The following DPP6 variants were observed in gnomAD, a reference collection of about 807,000 sequenced individuals.
DPP6 encodes dipeptidyl peptidase like 6.
DPP6 carries 69 observed loss-of-function variants against 122.6 expected under a neutral mutation model. The observed-to-expected ratio is 0.56, with a 90% CI of 0.46 to 0.69. The LOEUF is 0.69. Ranked by LOEUF, DPP6 falls within the 30% of genes least tolerant of loss-of-function variation. The pLI is 0.00. For synonymous variants in DPP6, 418 were observed against 433.1 expected (o/e 0.97, Z 0.43); for missense variants, 928 against 1,116.9 (o/e 0.83, Z 2.41).
At chr7:154,535,157 G>A (rs949111487) in intron 3 of DPP6, among the ~76,000 whole-genome samples, 2 of 151,990 alleles carry the variant, frequency 1.3e-5, no homozygotes, top group Non-Finnish European at 2.9e-5. Flanking sequence ...AATAACAAAC[G>A]AGTTATGTAT....
chr7:154,790,963 T>C (rs1413272757), intron 10 of DPP6, among the ~76,000 whole-genome samples: 2 of 152,038 alleles, frequency 1.3e-5, no homozygotes, highest in African/African-American at 4.8e-5. Context: ...AATAAACACA[T>C]ACTTGAGGCT....
rs936466755 is a variant in DPP6, at chr7:154,481,621, G to C, written c.457+6584G>C. ...CAGTTTTCTCTTAAACTTTGCCTACGTGAACTTCTTTGGATTGCTTCAGAA... is the reference window on the plus strand; with the variant it reads ...CAGTTTTCTCTTAAACTTTGCCTACCTGAACTTCTTTGGATTGCTTCAGAA... On this transcript the variant is annotated intron_variant, in intron 3 of 25. Coordinates refer to ENST00000377770, the MANE Select transcript of DPP6 (RefSeq NM_130797.4). This position sits in a 1 kb window ranked among gnomAD's most constrained non-coding sequence, Gnocchi z 4.2. 1.3e-5 allele frequency among the ~76,000 whole-genome samples: 2 copies of C among 151,870 alleles called. No homozygotes were observed. The highest frequency in any genetic ancestry group is 4.8e-5 in the African/African-American group (2 of 41,336).
intron 3 of DPP6, among the ~76,000 whole-genome samples, chr7:154,495,329 G>A (rs987334195): frequency 6.6e-6 from 1 of 151,866 alleles, no homozygotes; most frequent in Non-Finnish European, 1.5e-5. Flanking sequence ...AGGGTGGAGT[G>A]TAGATAGTGG....
At chr7:154,343,245 A>G (rs1810085549) in intron 1 of DPP6, among the ~76,000 whole-genome samples, 1 of 152,204 alleles carries the variant, frequency 6.6e-6, no homozygotes, top group South Asian at 2.1e-4. Context: ...AGATGAGAAA[A>G]CCAAGATTCT....
At chr7:154,771,096 C>G (rs1796224483) in intron 9 of DPP6, among the ~76,000 whole-genome samples, 1 of 152,230 alleles carries the variant, frequency 6.6e-6, no homozygotes, top group African/African-American at 2.4e-5. Flanking sequence ...TGGTATGTGC[C>G]TGCTCTGCCA....
chr7:154,568,669 A>C (rs781538090), intron 5 of DPP6, among the ~76,000 whole-genome samples: 1 of 152,128 alleles, frequency 6.6e-6, no homozygotes, highest in African/African-American at 2.4e-5. Context: ...TCATTTTGCT[A>C]AAGATGAGTC....
rs530295130 is a variant in DPP6 at position 153,927,238 on chromosome 7, C to T, written c.51+39504C>T. ...TGAGGTGGGAGGATCACTTGAGTGCCGGAGTTCGAGTCTGCAGTGAGCTGT... is the reference window on the plus strand; with the variant it reads ...TGAGGTGGGAGGATCACTTGAGTGCTGGAGTTCGAGTCTGCAGTGAGCTGT... On this transcript the variant is annotated intron_variant, in intron 1 of 25. Coordinates refer to the DPP6 transcript ENST00000404039. Among the ~76,000 whole-genome samples the T allele has an allele frequency of 4.6e-5, 7 of 152,214 alleles. No homozygotes were observed. The South Asian group carries it at 8.3e-4, about 18-fold the overall frequency.
chr7:153,809,094 C>A, the DPP6 span, among the ~76,000 whole-genome samples: 3 of 152,028 alleles, frequency 2.0e-5, no homozygotes, highest in Non-Finnish European at 4.4e-5. Context: ...AACATCCTAA[C>A]GGGTGAAGTG....
chr7:154,063,026 C>T (rs1211868704), intron 1 of DPP6, among the ~76,000 whole-genome samples: 1 of 135,966 alleles, frequency 7.4e-6, no homozygotes, highest in Non-Finnish European at 1.6e-5. Context: ...TCTGAGGAAC[C>T]CCATCACAGG....
chr7:154,828,120 G>A (rs565634046), intron 16 of DPP6, among the ~76,000 whole-genome samples: 14 of 152,080 alleles, frequency 9.2e-5, no homozygotes, highest in Non-Finnish European at 1.6e-4. Context: ...GTAGGAGTGC[G>A]CCTGTGTGAA....
chr7:154,214,671 C>T (rs1001505087), intron 1 of DPP6, among the ~76,000 whole-genome samples: 8 of 152,192 alleles, frequency 5.3e-5, no homozygotes, highest in African/African-American at 1.9e-4. Context: ...AATTCCAACA[C>T]TTTGGGAGGC....
At chr7:154,852,602 C>T (rs961409605) in intron 16 of DPP6, among the ~76,000 whole-genome samples, 13 of 152,100 alleles carry the variant, frequency 8.5e-5, no homozygotes, top group African/African-American at 1.4e-4. Context: ...AACATCCAAT[C>T]GAGCACAACT....
the DPP6 span, among the ~76,000 whole-genome samples, chr7:153,864,695 A>G: frequency 6.6e-6 from 1 of 151,050 alleles, no homozygotes; most frequent in Non-Finnish European, 1.5e-5. Context: ...ACACACACAC[A>G]CACACACACA....
At chr7:154,312,393 A>G (rs1349330247) in intron 1 of DPP6, among the ~76,000 whole-genome samples, 1 of 152,196 alleles carries the variant, frequency 6.6e-6, no homozygotes. Context: ...CACGTTGCTG[A>G]TATAATGAAG....
chr7:154,337,512 C>A (rs555226670), intron 1 of DPP6, among the ~76,000 whole-genome samples: 21 of 152,318 alleles, frequency 1.4e-4, no homozygotes, highest in Admixed American at 4.6e-4. Flanking sequence ...GTAGATACAT[C>A]CCTACCGGAC....
intron 1 of DPP6, among the ~76,000 whole-genome samples, chr7:154,442,129 T>C (rs1323040133): frequency 6.6e-6 from 1 of 152,192 alleles, no homozygotes; most frequent in East Asian, 1.9e-4. Context: ...CTGTTACTTC[T>C]AAAGGCATTT....
At chr7:154,423,125 G>A (rs1817618485) in intron 1 of DPP6, among the ~76,000 whole-genome samples, 1 of 152,142 alleles carries the variant, frequency 6.6e-6, no homozygotes, top group African/African-American at 2.4e-5. Context: ...ACACAAGGTG[G>A]TAAGAACAGA....
chr7:153,932,854 G>T (rs542109293), intron 1 of DPP6, among the ~76,000 whole-genome samples: 2 of 152,074 alleles, frequency 1.3e-5, no homozygotes, highest in Non-Finnish European at 2.9e-5. Context: ...AAATCTCATC[G>T]TGAATTGTAG....
At chr7:154,673,939 G>A (rs563173090) in intron 7 of DPP6, among the ~76,000 whole-genome samples, 10 of 150,876 alleles carry the variant, frequency 6.6e-5, no homozygotes, top group South Asian at 4.2e-4. Context: ...TGAATGTTGC[G>A]ATCTCTGCTC....
Sources: gnomAD v4.1 joint callset for allele counts (sites outside exome capture counted in the v4.1 genomes callset) on GRCh38, gnomAD v4.1.1 for gene constraint, Gnocchi (gnomAD v3.1) non-coding constraint, MANE v1.5 for transcripts, NCBI Gene and HGNC (gene_info 2026-07-23, HGNC 2026-07-21) for gene names.